The following ASZ1 variants were observed in gnomAD, a reference collection of about 807,000 sequenced individuals.
ASZ1 encodes the protein ankyrin repeat, SAM and basic leucine zipper domain containing 1, also known as ankyrin repeat, SAM and basic leucine zipper domain-containing protein 1.
A neutral mutation model predicts 61.8 loss-of-function variants in ASZ1; 67 were observed. The ratio of observed to expected loss-of-function variants is 1.08; its 90% CI spans 0.89 to 1.33. The LOEUF is 1.33. Among genes scored for constraint, ASZ1 ranks in the 40% most tolerant of loss-of-function variants. The pLI, the probability that ASZ1 is intolerant of heterozygous loss-of-function variation, is 0.00. For synonymous variants in ASZ1, 193 were observed against 192.7 expected, an observed-to-expected ratio of 1.00 and a Z score of -0.01; for missense variants, 577 against 554.5, an observed-to-expected ratio of 1.04 and a Z score of -0.41.
intron 10 of ASZ1, among the ~76,000 whole-genome samples, chr7:117,371,629 C>G (rs907346273): frequency 2.0e-5 from 3 of 152,076 alleles, no homozygotes; most frequent in Non-Finnish European, 4.4e-5. Context: ...GCAGTGATTA[C>G]TTGTATTTTG....
chr7:117,411,581 A>G (rs1425003527), intron 4 of ASZ1, among the ~76,000 whole-genome samples: 1 of 151,878 alleles, frequency 6.6e-6, no homozygotes, highest in Non-Finnish European at 1.5e-5. Flanking sequence ...TATAACTTGC[A>G]AGATTTTAAA....
In ASZ1 at chr7:117,367,412, C is replaced by G; in HGVS notation, c.1215G>C (p.Leu405Phe). The change falls in exon 12 of 13, where the codon TTG becomes TTC. Residue 405 changes from leucine (L) to phenylalanine (F), a missense_variant. Transcript: ENST00000284629. ...PQNFTSVCEE[L>F]VNNVEDLSEK... ...CACTCAAATCTTCAACATTATTAAC[C>G]AATTCTTCACAAACTGAAGTAAAAT... 6.4e-7 allele frequency: 1 copy of G among 1,566,740 alleles called. No individual in the cohort carries two copies. The highest frequency in any genetic ancestry group is 1.9e-5 in the Admixed American group (1 of 53,476).
chr7:117,369,715 T>C (rs1796013031), intron 10 of ASZ1, among the ~76,000 whole-genome samples: 1 of 152,164 alleles, frequency 6.6e-6, no homozygotes, highest in Admixed American at 6.5e-5. Context: ...GATTCTCAGT[T>C]TTTTTGGTTT....
intron 3 of ASZ1, among the ~76,000 whole-genome samples, chr7:117,421,278 T>C (rs1478695368): frequency 6.6e-6 from 1 of 152,194 alleles, no homozygotes; most frequent in African/African-American, 2.4e-5. Flanking sequence ...AGTAGCATGA[T>C]CATAACTCAC....
chr7:117,418,068 T>C (rs1797029109), intron 4 of ASZ1, among the ~76,000 whole-genome samples: 1 of 152,196 alleles, frequency 6.6e-6, no homozygotes, highest in African/African-American at 2.4e-5. Flanking sequence ...CTAGAACCTA[T>C]GACACTGGCT....
At position 117,421,131 on chromosome 7, in the gene ASZ1, A is replaced by G. The variant is rs1025000324; in HGVS notation, c.329-857T>C. 4.6e-5 allele frequency among the ~76,000 whole-genome samples: 7 copies of G among 152,372 alleles called. No homozygotes were observed. The South Asian group carries it at 1.4e-3, about 32-fold the overall frequency. On this transcript the variant is annotated intron_variant, in intron 3 of 12. Coordinates refer to ENST00000284629, the MANE Select transcript of ASZ1 (RefSeq NM_130768.3). ...CCTCTGATTACAAGGAGGGGGAAGT[A>G]TAAAAAGAATAATTATTAATTAATT... is the stretch of plus-strand genomic sequence containing the variant.
At chr7:117,410,693 T>C (rs953697957) in intron 4 of ASZ1, among the ~76,000 whole-genome samples, 1 of 151,450 alleles carries the variant, frequency 6.6e-6, no homozygotes, top group Non-Finnish European at 1.5e-5. Context: ...TATCAGCTAT[T>C]AGTACTTCAG....
chr7:117,401,496 A>T (rs933856894), intron 4 of ASZ1, among the ~76,000 whole-genome samples: 1 of 151,980 alleles, frequency 6.6e-6, no homozygotes, highest in Admixed American at 6.6e-5. Flanking sequence ...GTTGTGCTGG[A>T]CCCCTACTGG....
chr7:117,375,510 C>T (rs1204845959), intron 10 of ASZ1, among the ~76,000 whole-genome samples: 2 of 151,980 alleles, frequency 1.3e-5, no homozygotes, highest in Non-Finnish European at 2.9e-5. Flanking sequence ...AAAGTTAACT[C>T]TATTAATTTT....
chr7:117,402,704 C>A (rs1796702944), intron 4 of ASZ1, among the ~76,000 whole-genome samples: 1 of 152,080 alleles, frequency 6.6e-6, no homozygotes. Context: ...GGACTAATAC[C>A]CTATAAAGCT....
intron 10 of ASZ1, among the ~76,000 whole-genome samples, chr7:117,370,245 C>G (rs112689434): frequency 2.2e-4 from 33 of 152,164 alleles, no homozygotes; most frequent in African/African-American, 7.0e-4. Context: ...AGCACAGACA[C>G]AGTAGTATTA....
At chr7:117,406,950 A>G (rs1796795953) in intron 4 of ASZ1, among the ~76,000 whole-genome samples, 1 of 152,186 alleles carries the variant, frequency 6.6e-6, no homozygotes. Context: ...CTCAAAGAAT[A>G]ATAAAAGAAC....
At chr7:117,389,001 T>C (rs1796413351) in intron 4 of ASZ1, among the ~76,000 whole-genome samples, 1 of 152,114 alleles carries the variant, frequency 6.6e-6, no homozygotes, top group Admixed American at 6.5e-5. Context: ...CAACATGAAA[T>C]GAAAATAAAA....
chr7:117,383,216 A>C (rs576144756), intron 6 of ASZ1, 106 bp from the exon 7 acceptor site: 1 of 1,256,212 alleles, frequency 8.0e-7, no homozygotes, highest in South Asian at 1.9e-5. Flanking sequence ...AGGAAATTTT[A>C]GCAAGTAAGT....
rs1795877652 is a variant in ASZ1 at position 117,363,822 on chromosome 7, AT to A, written c.1276-75del. ...TAATAAAACATTTTGATTTTAAAAA[AT>A]ATCATAATATCCATGTTAATTCATT... On this transcript the variant is annotated intron_variant, in intron 12 of 12. Coordinates refer to ENST00000284629, the MANE Select transcript of ASZ1 (RefSeq NM_130768.3). 5 of 1,161,666 alleles carry A rather than the reference AT, an allele frequency of 4.3e-6. No individual in the cohort carries two copies. In the Admixed American group the frequency reaches 1.3e-4, roughly 29 times the overall value. The allele number at this position is 1,161,666 out of a possible 1,614,324, so 72.0% of individuals were successfully genotyped here. A position where few individuals can be genotyped will look rare whatever the true frequency, so the allele number is the denominator to read the frequency against.
At chr7:117,385,412 A>C (rs1000090450) in intron 5 of ASZ1, among the ~76,000 whole-genome samples, 1 of 151,986 alleles carries the variant, frequency 6.6e-6, no homozygotes, top group African/African-American at 2.4e-5. Context: ...GGCACGTGCC[A>C]CCATGCCTGG....
intron 4 of ASZ1, among the ~76,000 whole-genome samples, chr7:117,386,793 C>T (rs1256923682): frequency 6.6e-6 from 1 of 152,108 alleles, no homozygotes; most frequent in African/African-American, 2.4e-5. Flanking sequence ...ACACTTCACA[C>T]CTATGTCCTT....
chr7:117,367,381 C>A lies in ASZ1; in HGVS notation c.1246G>T (p.Val416Phe). 1.9e-6 allele frequency: 3 copies of A among 1,557,908 alleles called. No homozygotes were observed. Among genetic ancestry groups the A allele is most frequent in the African/African-American group, 1.4e-5 (1 of 72,284 alleles). ...VNNVEDLSEK[V>F]CKLKDLIQKL... is the part of the protein sequence containing the mutation. ...TGAATTAGGTCTTTTAGTTTGCAGACCTTTTCACTCAAATCTTCAACATTA... is the reference window on the plus strand; with the variant it reads ...TGAATTAGGTCTTTTAGTTTGCAGAACTTTTCACTCAAATCTTCAACATTA... The change falls in exon 12 of 13, where the codon GTC becomes TTC. Residue 416 changes from valine to phenylalanine, a missense_variant. Physicochemically the swap from Val to Phe is conservative, Grantham distance 50 (BLOSUM62 -1). Coordinates refer to ENST00000284629, the MANE Select transcript of ASZ1 (RefSeq NM_130768.3).
chr7:117,415,887 C>A (rs1796981329), intron 4 of ASZ1, among the ~76,000 whole-genome samples: 1 of 152,116 alleles, frequency 6.6e-6, no homozygotes, highest in African/African-American at 2.4e-5. Flanking sequence ...ATAAACAATT[C>A]AGTAGGTAAA....
Sources: allele counts gnomAD v4.1 joint callset (sites outside exome capture counted in the v4.1 genomes callset), GRCh38; gene constraint gnomAD v4.1.1; transcripts MANE v1.5; gene names NCBI Gene and HGNC (gene_info 2026-07-23, HGNC 2026-07-21).